SERPINB6: variants seen among roughly 807,000 people sequenced by gnomAD.
SERPINB6 encodes serpin B6.
Under a neutral mutation model 26.1 loss-of-function variants are expected in SERPINB6, and 16 were observed. That is an observed-to-expected ratio of 0.61 (90% CI 0.42 to 0.93). The LOEUF (loss-of-function observed/expected upper bound fraction) is 0.93, where lower values mean the gene tolerates loss of function less well. Ranked by LOEUF, SERPINB6 falls within the 40% of genes least tolerant of loss-of-function variation. The probability of loss-of-function intolerance (pLI) is 0.00; values close to 1 mark genes in which losing one functional copy is unlikely to be tolerated. For synonymous variants in SERPINB6, 174 were observed against 176.6 expected (o/e 0.99, Z 0.11); for missense variants, 420 against 478.0 (o/e 0.88, Z 1.13).
At chr6:2,963,625 G>A (rs929339524) in intron 1 of SERPINB6, 5 of 152,266 alleles carry the variant, frequency 3.3e-5, no homozygotes, top group African/African-American at 7.2e-5. Context: ...CAAGTAATAC[G>A]GAGGCAGCAG....
At chr6:2,953,287 G>C (rs1009157914) in intron 4 of SERPINB6, 101 bp from the exon 5 acceptor site, 2 of 1,489,384 alleles carry the variant, frequency 1.3e-6, no homozygotes, top group African/African-American at 1.4e-5. Flanking sequence ...TCAAGTGCAC[G>C]GATAGAGAGT....
chr6:2,951,409 A>AT (rs1561672271), intron 5 of SERPINB6, among the ~76,000 whole-genome samples: 22 of 151,766 alleles, frequency 1.4e-4, no homozygotes, highest in Non-Finnish European at 3.1e-4. Flanking sequence ...AAATAAAAAA[A>AT]AAAAATAAGC....
In SERPINB6 at chr6:2,953,073, T is replaced by C; in HGVS notation, c.544A>G (p.Thr182Ala). 6.2e-7 allele frequency: 1 copy of C among 1,614,250 alleles called. No homozygotes were observed. Among genetic ancestry groups the C allele is most frequent in the African/African-American group, 1.3e-5 (1 of 75,078 alleles). ...NWDEQFDKEN[T>A]EERLFKVSKN... is the part of the protein sequence containing the mutation. ...CTGACTTTAAACAGTCTCTCCTCGG[T>C]GTTCTCCTTGTCAAACTGTTCATCC... The change falls in exon 5 of 7, where the codon ACC becomes GCC. Residue 182 changes from threonine (T) to alanine (A), a missense_variant. By Grantham distance (58) the Thr-to-Ala change is moderately conservative. Transcript: ENST00000380539.
At chr6:2,958,020 T>C (rs981241325) in intron 2 of SERPINB6, 8 of 152,274 alleles carry the variant, frequency 5.3e-5, no homozygotes, top group Admixed American at 2.6e-4. Flanking sequence ...ATGGGCTGCA[T>C]GTGTCCCCTC....
intron 5 of SERPINB6, 124 bp downstream of exon 5, chr6:2,952,920 C>T: frequency 2.1e-6 from 3 of 1,418,026 alleles, no homozygotes; most frequent in Non-Finnish European, 2.9e-6. Context: ...CACGAGGCCA[C>T]CCAATGGATG....
At chr6:2,950,399 G>A (rs1042513114) in intron 5 of SERPINB6, among the ~76,000 whole-genome samples, 5 of 151,972 alleles carry the variant, frequency 3.3e-5, no homozygotes, top group African/African-American at 1.2e-4. Context: ...TGGGCATGGT[G>A]GTGCGCTCCT....
At chr6:2,959,421 C>T (rs1770860799) in intron 1 of SERPINB6, 79 bp from the exon 2 acceptor site, 1 of 1,461,054 alleles carries the variant, frequency 6.8e-7, no homozygotes, top group African/African-American at 1.4e-5. Context: ...CCGACAGTCA[C>T]CGCCGATGCT....
chr6:2,955,516 T>C lies in SERPINB6; in HGVS notation c.312+8A>G, dbSNP rs1430406975. ...TTTCTTTAGTGAATAAGAGCAAGTA[T>C]GACTTACTGAGAGGAAATCACAAGA... On this transcript the variant is annotated splice_region_variant and intron_variant, in intron 3 of 6. Transcript: ENST00000380539. 2 of 1,614,090 alleles carry C rather than the reference T, an allele frequency of 1.2e-6. No individual in the cohort carries two copies. The highest frequency in any genetic ancestry group is 1.3e-5 in the African/African-American group (1 of 74,930).
chr6:2,953,283 G>T, intron 4 of SERPINB6, 97 bp from the exon 5 acceptor site: 1 of 1,520,232 alleles, frequency 6.6e-7, no homozygotes. Context: ...GCAGTCAAGT[G>T]CACGGATAGA....
At chr6:2,958,002 C>T (rs895038066) in intron 2 of SERPINB6, 1 of 152,294 alleles carries the variant, frequency 6.6e-6, no homozygotes, top group African/African-American at 2.4e-5. Flanking sequence ...CCTCCCACGC[C>T]TACTGTGATG....
In SERPINB6 at chr6:2,953,029, C is replaced by T. The variant is rs1769992542; in HGVS notation, c.573+15G>A. The stretch of plus-strand genomic sequence containing the variant: ...GTGAACACAGGCGCTGCTCCTGTCA[C>T]GGCCCCTTACTCGCCTTGCTGACTT... On this transcript the variant is annotated intron_variant, in intron 5 of 6. Coordinates refer to ENST00000380539, the MANE Select transcript of SERPINB6 (RefSeq NM_004568.6). 5.0e-6 allele frequency: 8 copies of T among 1,613,992 alleles called. No homozygotes were observed. The highest frequency in any genetic ancestry group is 2.7e-5 in the African/African-American group (2 of 74,946).
intron 1 of SERPINB6, chr6:2,961,917 G>T (rs1771159036): frequency 1.0e-6 from 1 of 984,914 alleles, no homozygotes; most frequent in African/African-American, 1.8e-5. Context: ...TAGAGACAAG[G>T]TTCTTGCCAC....
chr6:2,962,008 G>A, intron 1 of SERPINB6: 1 of 985,202 alleles, frequency 1.0e-6, no homozygotes, highest in Non-Finnish European at 1.2e-6. Flanking sequence ...TTACAGCCAT[G>A]CACCACGCCC....
chr6:2,969,290 C>T, intron 1 of SERPINB6: 1 of 985,490 alleles, frequency 1.0e-6, no homozygotes, highest in African/African-American at 1.7e-5. Context: ...CTGTCAATGG[C>T]TTTTTAAGGA....
chr6:2,971,686 G>C (rs1441496692), upstream of SERPINB6: 1 of 152,144 alleles, frequency 6.6e-6, no homozygotes, highest in Non-Finnish European at 1.5e-5. Flanking sequence ...GGACGTGCGG[G>C]TCAACCCCAC....
upstream of SERPINB6, chr6:2,971,681 T>TGAGGGTC (rs1248400779): frequency 1.3e-5 from 2 of 151,708 alleles, no homozygotes; most frequent in Non-Finnish European, 2.9e-5. Context: ...GGGCGGGACG[T>TGAGGGTC]GCGGGTCAAC....
intron 3 of SERPINB6, chr6:2,955,131 A>T (rs570208925): frequency 3.6e-6 from 1 of 277,574 alleles, no homozygotes; most frequent in Non-Finnish European, 6.9e-6. Flanking sequence ...CGGAGGTTGC[A>T]GTAAGCCGAG....
At chr6:2,968,856 T>C (rs1771870672) in intron 1 of SERPINB6, 1 of 1,231,018 alleles carries the variant, frequency 8.1e-7, no homozygotes, top group Non-Finnish European at 1.0e-6. Context: ...GATCAGCAGC[T>C]TTTTTGTCCG....
intron 4 of SERPINB6, among the ~76,000 whole-genome samples, chr6:2,954,240 C>A (rs1428761591): frequency 6.6e-6 from 1 of 152,072 alleles, no homozygotes; most frequent in African/African-American, 2.4e-5. Flanking sequence ...AGCTTGAGAT[C>A]CACACTGCGA....
Sources: gnomAD v4.1 joint callset for allele counts (sites outside exome capture counted in the v4.1 genomes callset) on GRCh38, gnomAD v4.1.1 for gene constraint, MANE v1.5 for transcripts, NCBI Gene and HGNC (gene_info 2026-07-23, HGNC 2026-07-21) for gene names.